LPL: variants seen among roughly 807,000 people sequenced by gnomAD.
LPL encodes lipoprotein lipase.
A neutral mutation model predicts 52.2 loss-of-function variants in LPL; 43 were observed. The ratio of observed to expected loss-of-function variants is 0.82; its 90% CI spans 0.64 to 1.06. The LOEUF (loss-of-function observed/expected upper bound fraction) is 1.06, where lower values mean the gene tolerates loss of function less well. LPL is among the 50% of genes least tolerant of loss of function. The pLI is 0.00. For synonymous variants in LPL, 244 were observed against 215.6 expected (o/e 1.13, Z -1.15); for missense variants, 639 against 585.3 (o/e 1.09, Z -0.95).
chr8:19,949,102 G>A (rs945751235), intron 2 of LPL, among the ~76,000 whole-genome samples: 1 of 152,160 alleles, frequency 6.6e-6, no homozygotes, highest in African/African-American at 2.4e-5. Context: ...GTTTTAAAAT[G>A]TTTCAATCCC....
intron 2 of LPL, 91 bp from the exon 3 acceptor site, chr8:19,951,677 GT>G (rs1389119584): frequency 2.1e-6 from 3 of 1,414,382 alleles, no homozygotes; most frequent in Non-Finnish European, 1.0e-6. Flanking sequence ...AATCAAGTTT[GT>G]TTTTTCCATT....
At chr8:19,948,049 T>C in intron 1 of LPL, 131 bp from the exon 2 acceptor site, 1 of 892,710 alleles carries the variant, frequency 1.1e-6, no homozygotes, top group Non-Finnish European at 1.9e-6. Flanking sequence ...CAATCCACAT[T>C]CGTTTTCGAA....
rs189780846 is a variant in LPL at position 19,964,350 on chromosome 8, T to G, written c.*-960T>G. On this transcript the variant is annotated intron_variant, in intron 9 of 9. Transcript: ENST00000650287. The stretch of plus-strand genomic sequence containing the variant: ...TTAAATCTACATGTGAATGTGAAAA[T>G]AAAACCTCATTAAATTAGTAAATAA... Among the ~76,000 whole-genome samples, 130 of 152,254 alleles carry G rather than the reference T, an allele frequency of 8.5e-4. 3 individuals are homozygous for G. The highest frequency in any genetic ancestry group is 3.4e-3 in the Middle Eastern group (1 of 292).
At chr8:19,952,627 T>C (rs1030803539) in intron 3 of LPL, among the ~76,000 whole-genome samples, 2 of 152,252 alleles carry the variant, frequency 1.3e-5, no homozygotes, top group African/African-American at 2.4e-5. Flanking sequence ...CTGTGTTTAT[T>C]AGACTGATCA....
rs2070078731 is a variant in LPL, at chr8:19,965,585, A to G, written c.*275A>G. On this transcript the variant is annotated 3_prime_UTR_variant, in exon 10 of 10. Coordinates refer to ENST00000650287, the MANE Select transcript of LPL (RefSeq NM_000237.3). ...ATGAAAAGTGCTGTTTTGTCCTTTG[A>G]GAAAGAAATAATTGTTTGAGCGCAG... is the stretch of plus-strand genomic sequence containing the variant. 1 of 436,756 alleles carries G rather than the reference A, an allele frequency of 2.3e-6. No individual in the cohort carries two copies. Among genetic ancestry groups the G allele is most frequent in the Non-Finnish European group, 4.1e-6 (1 of 244,526 alleles). The allele number at this position is 436,756 out of a possible 1,614,324, so 27.1% of individuals were successfully genotyped here.
Position 19,944,122 on chromosome 8 carries a change from G to A in LPL, c.89-4058G>A, listed in dbSNP as rs1265655506. On this transcript the variant is annotated intron_variant, in intron 1 of 9. Transcript: ENST00000650287. The surrounding 1 kb of genome is among the most constrained non-coding windows in gnomAD (Gnocchi z 4.2). ...AATGGCTTGAACCCAGGAGGCATAGGTTGCAGTGAGTCACGATCGTGCCAC... is the reference window on the plus strand; with the variant it reads ...AATGGCTTGAACCCAGGAGGCATAGATTGCAGTGAGTCACGATCGTGCCAC... 6.6e-6 allele frequency among the ~76,000 whole-genome samples: 1 copy of A among 152,226 alleles called. No individual in the cohort carries two copies. Among genetic ancestry groups the A allele is most frequent in the Non-Finnish European group, 1.5e-5 (1 of 68,022 alleles).
chr8:19,957,649 T>A (rs900533696), intron 6 of LPL, among the ~76,000 whole-genome samples: 2 of 152,210 alleles, frequency 1.3e-5, no homozygotes, highest in Non-Finnish European at 2.9e-5. Flanking sequence ...TTTGCTTAAT[T>A]CTCAATTCAA....
At chr8:19,957,853 A>G (rs563870019) in intron 6 of LPL, among the ~76,000 whole-genome samples, 4 of 152,300 alleles carry the variant, frequency 2.6e-5, no homozygotes, top group East Asian at 3.9e-4. Context: ...ATGGTCTGCT[A>G]TATTCTAAAC....
intron 8 of LPL, among the ~76,000 whole-genome samples, chr8:19,961,773 G>C (rs2070041291): frequency 6.6e-6 from 1 of 152,106 alleles, no homozygotes; most frequent in African/African-American, 2.4e-5. Context: ...GCAATGTCTA[G>C]CTGAAGGCAG....
At chr8:19,943,090 C>G (rs1487469847) in intron 1 of LPL, among the ~76,000 whole-genome samples, 4 of 152,202 alleles carry the variant, frequency 2.6e-5, no homozygotes, top group Non-Finnish European at 5.9e-5. Flanking sequence ...GTGTCTAATC[C>G]AGCCACCTTG....
At position 19,960,971 on chromosome 8, in the gene LPL, A is replaced by G. The variant is rs764392384; in HGVS notation, c.1210A>G (p.Met404Val). ...YTEVDIGELL[M>V]LKLKWKSDSY... is the part of the protein sequence containing the mutation. Reference sequence around the variant, plus strand: ...AGAGGTAGATATTGGAGAACTACTCATGTTGAAGCTCAAATGGAAGAGTGA... The same window carrying G: ...AGAGGTAGATATTGGAGAACTACTCGTGTTGAAGCTCAAATGGAAGAGTGA... The change falls in exon 8 of 10, where the codon ATG (methionine) becomes GTG (valine). Residue 404 changes from methionine to valine, a missense_variant. Coordinates refer to ENST00000650287, the MANE Select transcript of LPL (RefSeq NM_000237.3). The G allele has an allele frequency of 1.9e-6, 3 of 1,614,086 alleles. No homozygotes were observed. Among genetic ancestry groups the G allele is most frequent in the South Asian group, 1.1e-5 (1 of 91,086 alleles).
chr8:19,956,880 G>A (rs1280798882), intron 6 of LPL, among the ~76,000 whole-genome samples: 1 of 152,134 alleles, frequency 6.6e-6, no homozygotes, highest in Admixed American at 6.5e-5. Context: ...CTGGAGGAGA[G>A]GGGCATGATC....
At position 19,967,128 on chromosome 8, in the gene LPL, T is replaced by C. The variant is rs1031550244; in HGVS notation, c.*1818T>C. ...GTGTGGTGCTAACTGTATGTGTCTT[T>C]ATCAGTGATGGTCTCACAGAGCCAA... On this transcript the variant is annotated 3_prime_UTR_variant, in exon 10 of 10. Transcript: ENST00000650287. 5 of 152,642 alleles carry C rather than the reference T, an allele frequency of 3.3e-5. No homozygotes were observed. Among genetic ancestry groups the C allele is most frequent in the African/African-American group, 1.2e-4 (5 of 41,458 alleles). 9.5% of individuals were successfully genotyped at this position (152,642 alleles called of 1,614,324 possible).
intron 1 of LPL, among the ~76,000 whole-genome samples, chr8:19,940,654 T>A (rs778750772): frequency 6.6e-6 from 1 of 152,230 alleles, no homozygotes; most frequent in Non-Finnish European, 1.5e-5. Context: ...GAATTGCAAT[T>A]AGGGCGGTGT....
At chr8:19,940,603 T>C (rs2069829309) in intron 1 of LPL, among the ~76,000 whole-genome samples, 1 of 152,262 alleles carries the variant, frequency 6.6e-6, no homozygotes, top group African/African-American at 2.4e-5. Flanking sequence ...GCTGAAGCCA[T>C]TCATAACACG....
chr8:19,943,026 C>CCATT (rs1474774175), intron 1 of LPL, among the ~76,000 whole-genome samples: 4 of 152,234 alleles, frequency 2.6e-5, no homozygotes, highest in Admixed American at 2.0e-4. Flanking sequence ...ACGTCTCCCA[C>CCATT]CATTATTTGA....
chr8:19,956,121 G>T, intron 6 of LPL, 38 bp downstream of exon 6: 1 of 1,612,914 alleles, frequency 6.2e-7, no homozygotes, highest in Non-Finnish European at 8.5e-7. Flanking sequence ...AAACCAAGGA[G>T]TCCTATTTCA....
At chr8:19,948,011 C>T (rs1026106620) in intron 1 of LPL, among the ~76,000 whole-genome samples, 169 bp from the exon 2 acceptor site, 1 of 152,122 alleles carries the variant, frequency 6.6e-6, no homozygotes, top group Non-Finnish European at 1.5e-5. Context: ...CAACTTTGCT[C>T]AACGTTGGAG....
intron 1 of LPL, among the ~76,000 whole-genome samples, chr8:19,940,324 G>A (rs1404667532): frequency 6.6e-6 from 1 of 152,216 alleles, no homozygotes; most frequent in Non-Finnish European, 1.5e-5. Context: ...GGGGTTGCCA[G>A]GTCTGCGTTT....
Sources: gnomAD v4.1 joint callset for allele counts (sites outside exome capture counted in the v4.1 genomes callset) on GRCh38, gnomAD v4.1.1 for gene constraint, Gnocchi (gnomAD v3.1) non-coding constraint, MANE v1.5 for transcripts, NCBI Gene and HGNC (gene_info 2026-07-23, HGNC 2026-07-21) for gene names.